Variants in STAC3 observed in about 807,000 individuals in gnomAD.
STAC3 encodes SH3 and cysteine-rich domain-containing protein 3.
In STAC3, 30 loss-of-function variants were observed where a neutral mutation model predicts 48.5. The observed-to-expected ratio is 0.62, with a 90% CI of 0.46 to 0.84. STAC3 has a LOEUF of 0.84. Ranked by LOEUF, STAC3 falls within the 40% of genes least tolerant of loss-of-function variation. The pLI, the probability that STAC3 is intolerant of heterozygous loss-of-function variation, is 0.00. For missense variants in STAC3, 419 were observed against 462.6 expected, an observed-to-expected ratio of 0.91 and a Z score of 0.86; for synonymous variants, 144 against 158.6, an observed-to-expected ratio of 0.91 and a Z score of 0.69.
In STAC3 at chr12:57,243,547, T is replaced by C; in HGVS notation, c.*265A>G. On this transcript the variant is annotated 3_prime_UTR_variant, in exon 12 of 12. Coordinates refer to ENST00000332782, the MANE Select transcript of STAC3 (RefSeq NM_145064.3). The stretch of plus-strand genomic sequence containing the variant: ...CCCCGCCCCAGTCCCTGGCTCCTCC[T>C]AGTAGATACGCGTTTTTTTCCAGCT... 2.3e-6 allele frequency: 1 copy of C among 438,952 alleles called. No homozygotes were observed. The highest frequency in any genetic ancestry group is 4.5e-6 in the Non-Finnish European group (1 of 222,142). 27.2% of individuals were successfully genotyped at this position (438,952 alleles called of 1,614,324 possible). A position where few individuals can be genotyped will look rare whatever the true frequency, so the allele number is the denominator to read the frequency against.
chr12:57,247,425 A>ATTTTTTTTTTTTTTTTTTTTTTTTT (rs1227095476), intron 5 of STAC3, among the ~76,000 whole-genome samples: 1 of 58,950 alleles, frequency 1.7e-5, no homozygotes, highest in African/African-American at 6.3e-5. Context: ...TATTATTATT[A>ATTTTTTTTTTTTTTTTTTTTTTTTT]TTATTTTTTT....
At position 57,248,812 on chromosome 12, in the gene STAC3, A is replaced by AG; in HGVS notation, c.335-10dup. On this transcript the variant is annotated splice_polypyrimidine_tract_variant and intron_variant, in intron 3 of 11. Coordinates refer to ENST00000332782, the MANE Select transcript of STAC3 (RefSeq NM_145064.3). The stretch of plus-strand genomic sequence containing the variant: ...CCCAAACTTGTTGTTGACTTGGGAA[A>AG]GGGGGAGAAAATTCAGATAAGGTTC... 1 of 1,611,412 alleles carries AG rather than the reference A, an allele frequency of 6.2e-7. No individual in the cohort carries two copies. Among genetic ancestry groups the AG allele is most frequent in the Non-Finnish European group, 8.5e-7 (1 of 1,177,538 alleles).
intron 5 of STAC3, among the ~76,000 whole-genome samples, chr12:57,247,674 C>T (rs944071204): frequency 3.9e-5 from 6 of 151,966 alleles, no homozygotes; most frequent in African/African-American, 1.2e-4. Context: ...CCACCCGCCT[C>T]GGCCTCCCAA....
Position 57,245,183 on chromosome 12 carries a change from G to C in STAC3, c.632C>G (p.Pro211Arg). Residue 211 changes from proline to arginine, a missense_variant, in exon 7 of 12, where the codon CCA (proline) becomes CGA (arginine). Pro to Arg is a moderately radical substitution (Grantham distance 103, BLOSUM62 -2). Transcript: ENST00000332782. ...GCCTTCCTCTGGTCTGGCCGACTCT[G>C]GCTCCTCCTCCATCATGGCTGCTAC... ...NPVAAMMEEE[P>R]ESARPEEGKP... 1 of 1,614,094 alleles carries C rather than the reference G, an allele frequency of 6.2e-7. No individual in the cohort carries two copies. The highest frequency in any genetic ancestry group is 1.3e-5 in the African/African-American group (1 of 75,020).
In STAC3 at chr12:57,245,176, C is replaced by T. The variant is rs1317576703; in HGVS notation, c.639G>A (p.Ser213=). The part of the protein sequence containing the change: ...VAAMMEEEPE[S]ARPEEGKPQD... ...GGGGTTTGCCTTCCTCTGGTCTGGC[C>T]GACTCTGGCTCCTCCTCCATCATGG... The change falls in exon 7 of 12, where the codon TCG becomes TCA. Residue 213 remains serine (S), a synonymous_variant. Transcript: ENST00000332782. The T allele has an allele frequency of 6.2e-6, 10 of 1,613,958 alleles. No homozygotes were observed. The highest frequency in any genetic ancestry group is 2.2e-5 in the East Asian group (1 of 44,868).
Position 57,245,227 on chromosome 12 carries a change from G to C in STAC3, c.604-16C>G, listed in dbSNP as rs759166812. On this transcript the variant is annotated splice_polypyrimidine_tract_variant and intron_variant, in intron 6 of 11. Transcript: ENST00000332782. ...CTGCTACAGGCTGGAGGGGGCACCAGAGTTAGGGAGACGCTGTCTTGGGAA... is the reference window on the plus strand; with the variant it reads ...CTGCTACAGGCTGGAGGGGGCACCACAGTTAGGGAGACGCTGTCTTGGGAA... The C allele has an allele frequency of 3.1e-6, 5 of 1,613,210 alleles. No individual in the cohort carries two copies. The East Asian group carries it at 1.1e-4, about 36-fold the overall frequency.
Position 57,249,255 on chromosome 12 carries a change from CAT to C in STAC3, c.118_119del (p.Met40GlyfsTer25). 6.2e-7 allele frequency: 1 copy of C among 1,613,712 alleles called. No homozygotes were observed. Among genetic ancestry groups the C allele is most frequent in the Non-Finnish European group, 8.5e-7 (1 of 1,179,828 alleles). ...LRKGSTGTKE[M>X]ELPPEPQANG... is the part of the protein sequence containing the mutation. Reference sequence around the variant, plus strand: ...TGGCCTGGGGCTCTGGGGGAAGTTCCATCTCCTTTGTCCCTGTAGAACCCTTC... The same window carrying C: ...TGGCCTGGGGCTCTGGGGGAAGTTCCCTCCTTTGTCCCTGTAGAACCCTTC... On this transcript the variant is annotated frameshift_variant, in exon 3 of 12. Coordinates refer to ENST00000332782, the MANE Select transcript of STAC3 (RefSeq NM_145064.3). LOFTEE classifies it high-confidence loss of function.
rs1234874016 is a variant in STAC3, at chr12:57,244,586, C to A, written c.757G>T (p.Val253Leu). ...QPGFQQSHYF[V>L]ALYRFKALEK... ...AGGGCTTTGAACCGATAGAGAGCCACAAAGTAATGAGACTGCTGGAAGCCA... is the reference window on the plus strand; with the variant it reads ...AGGGCTTTGAACCGATAGAGAGCCAAAAAGTAATGAGACTGCTGGAAGCCA... Residue 253 changes from valine to leucine, a missense_variant, in exon 9 of 12, where the codon GTG (valine) becomes TTG (leucine). Coordinates refer to ENST00000332782, the MANE Select transcript of STAC3 (RefSeq NM_145064.3). 3 of 1,614,220 alleles carry A rather than the reference C, an allele frequency of 1.9e-6. No individual in the cohort carries two copies. The South Asian group carries it at 3.3e-5, about 18-fold the overall frequency.
chr12:57,244,795 G>T, intron 8 of STAC3, 121 bp downstream of exon 8: 2 of 1,386,794 alleles, frequency 1.4e-6, no homozygotes, highest in Non-Finnish European at 2.0e-6. Flanking sequence ...GGAGAGTGTG[G>T]GTCAGAAGTG....
At chr12:57,249,823 A>C in intron 1 of STAC3, 186 bp from the exon 2 acceptor site, 3 of 585,766 alleles carry the variant, frequency 5.1e-6, no homozygotes, top group Non-Finnish European at 9.0e-6. Context: ...TGGCGTGATC[A>C]TGGCTCACTG....
intron 1 of STAC3, among the ~76,000 whole-genome samples, chr12:57,250,776 G>A (rs193231445): frequency 3.9e-4 from 60 of 152,100 alleles, no homozygotes; most frequent in African/African-American, 5.1e-4. Flanking sequence ...AGGGTAATAT[G>A]AGCCTTTCCT....
In STAC3 at chr12:57,246,864, C is replaced by T; in HGVS notation, c.543G>A (p.Leu181=). 10 of 1,613,940 alleles carry T rather than the reference C, an allele frequency of 6.2e-6. No homozygotes were observed. Among genetic ancestry groups the T allele is most frequent in the Non-Finnish European group, 8.5e-6 (10 of 1,179,908 alleles). ...ANRNDPVFET[L]RTGVIMANKE... is the part of the protein sequence containing the mutation. ...TGTTTGCCATGATCACCCCAGTGCGCAGGGTTTCAAACACAGGATCATTGC... is the reference window on the plus strand; with the variant it reads ...TGTTTGCCATGATCACCCCAGTGCGTAGGGTTTCAAACACAGGATCATTGC... The change falls in exon 6 of 12, where the codon CTG becomes CTA. Residue 181 remains leucine, a synonymous_variant. Transcript: ENST00000332782.
chr12:57,247,678 C>G (rs146465638), intron 5 of STAC3, among the ~76,000 whole-genome samples: 1,533 of 152,144 alleles, frequency 0.01, 18 homozygotes, highest in African/African-American at 0.036. Context: ...CCGCCTCGGC[C>G]TCCCAAAGTG....
rs909001113 is a variant in STAC3 at position 57,251,089 on chromosome 12, G to A, written c.-98C>T. 3 of 446,090 alleles carry A rather than the reference G, an allele frequency of 6.7e-6. No homozygotes were observed. The highest frequency in any genetic ancestry group is 1.4e-3 in the Middle Eastern group (2 of 1,448). 27.6% of individuals were successfully genotyped at this position (446,090 alleles called of 1,614,324 possible). Reference sequence around the variant, plus strand: ...TGGGGAAAAACTGGTCCTCTTCCTTGGGGGCTAAGCCCCCCCAGTACCCCC... The same window carrying A: ...TGGGGAAAAACTGGTCCTCTTCCTTAGGGGCTAAGCCCCCCCAGTACCCCC... On this transcript the variant is annotated 5_prime_UTR_variant, in exon 1 of 12. Coordinates refer to ENST00000332782, the MANE Select transcript of STAC3 (RefSeq NM_145064.3).
intron 8 of STAC3, 145 bp from the exon 9 acceptor site, chr12:57,244,767 G>T: frequency 7.3e-7 from 1 of 1,367,532 alleles, no homozygotes. Flanking sequence ...TTGGTCGTGG[G>T]TGGGTGTGCA....
intron 7 of STAC3, 58 bp from the exon 8 acceptor site, chr12:57,245,023 T>C: frequency 1.2e-6 from 2 of 1,609,364 alleles, no homozygotes; most frequent in Non-Finnish European, 1.7e-6. Context: ...CTTATTCTCT[T>C]ACCCTTTTGT....
chr12:57,244,482 C>T (rs777714272), intron 9 of STAC3, 55 bp downstream of exon 9: 84 of 1,612,640 alleles, frequency 5.2e-5, no homozygotes, highest in Non-Finnish European at 7.0e-5. Context: ...TTGGGGGAAC[C>T]CAGCTCTTTC....
intron 1 of STAC3, among the ~76,000 whole-genome samples, 160 bp downstream of exon 1, chr12:57,250,833 C>G (rs563414987): frequency 2.0e-5 from 3 of 149,744 alleles, no homozygotes; most frequent in African/African-American, 5.0e-5. Flanking sequence ...CCCCACCCCC[C>G]GCTTCAATCC....
intron 6 of STAC3, 105 bp from the exon 7 acceptor site, chr12:57,245,316 C>CA (rs1491534567): frequency 1.9e-6 from 2 of 1,051,502 alleles, no homozygotes; most frequent in East Asian, 2.4e-5. Context: ...TCAGAGATCT[C>CA]AGAGTTGGAA....
Sources: gnomAD v4.1 joint callset for allele counts (sites outside exome capture counted in the v4.1 genomes callset) on GRCh38, gnomAD v4.1.1 for gene constraint, MANE v1.5 for transcripts, NCBI Gene and HGNC (gene_info 2026-07-23, HGNC 2026-07-21) for gene names.